The following CACNA2D3 variants were observed in gnomAD, a reference collection of about 807,000 sequenced individuals.
CACNA2D3 encodes the protein calcium voltage-gated channel auxiliary subunit alpha2delta 3.
In CACNA2D3, 60 loss-of-function variants were observed where a neutral mutation model predicts 160.6. That is an observed-to-expected ratio of 0.37 (90% CI 0.30 to 0.46). The LOEUF (loss-of-function observed/expected upper bound fraction) is 0.46, where lower values mean the gene tolerates loss of function less well. CACNA2D3 is among the 20% of genes least tolerant of loss of function. The pLI is 1.00. For missense variants in CACNA2D3, 1,205 were observed against 1,365.0 expected, an observed-to-expected ratio of 0.88 and a Z score of 1.85; for synonymous variants, 558 against 492.9, an observed-to-expected ratio of 1.13 and a Z score of -1.75.
chr3:55,021,651 ATATATATGTGTGTG>A (rs1703454259), intron 35 of CACNA2D3, among the ~76,000 whole-genome samples: 2 of 126,668 alleles, frequency 1.6e-5, no homozygotes, highest in African/African-American at 6.1e-5. Context: ...ATATGTGTAT[ATATATATGTGTGTG>A]TATATATATA....
chr3:54,180,651 C>G (rs1700766533), intron 2 of CACNA2D3, among the ~76,000 whole-genome samples: 1 of 152,202 alleles, frequency 6.6e-6, no homozygotes, highest in Non-Finnish European at 1.5e-5. Flanking sequence ...TATGTAGTTT[C>G]TGTCTTGTCT....
rs10533577 is a variant in CACNA2D3 at position 54,191,397 on chromosome 3, ACATCATCAT to A, written c.204+67834_204+67842del. On this transcript the variant is annotated intron_variant, in intron 2 of 37. Coordinates refer to ENST00000474759, the MANE Select transcript of CACNA2D3 (RefSeq NM_018398.3). The stretch of plus-strand genomic sequence containing the variant: ...TAATGCCTTTTCTTTTAAAACATCA[ACATCATCAT>A]CATCATCATCATCATCATCATCATC... Among the ~76,000 whole-genome samples the A allele has an allele frequency of 4.1e-4, 62 of 150,010 alleles. No homozygotes were observed. In the Middle Eastern group the frequency reaches 0.014, roughly 33 times the overall value.
intron 11 of CACNA2D3, among the ~76,000 whole-genome samples, chr3:54,714,785 C>T (rs745755590): frequency 1.3e-5 from 2 of 152,198 alleles, no homozygotes; most frequent in Non-Finnish European, 2.9e-5. Context: ...CCATGCTTAT[C>T]GATGCCTAAT....
At chr3:54,378,570 A>G (rs1444170897) in intron 3 of CACNA2D3, among the ~76,000 whole-genome samples, 1 of 152,204 alleles carries the variant, frequency 6.6e-6, no homozygotes, top group East Asian at 1.9e-4. Flanking sequence ...CATTGCCCAC[A>G]AAAGAAATAG....
chr3:54,410,848 C>G (rs905215227), intron 4 of CACNA2D3, among the ~76,000 whole-genome samples: 1 of 152,126 alleles, frequency 6.6e-6, no homozygotes, highest in Non-Finnish European at 1.5e-5. Context: ...AATAGTGATC[C>G]GTCTGGTCTG....
intron 2 of CACNA2D3, among the ~76,000 whole-genome samples, chr3:54,139,711 T>G (rs1375131476): frequency 6.6e-6 from 1 of 152,206 alleles, no homozygotes; most frequent in African/African-American, 2.4e-5. Flanking sequence ...GTTGACTTAA[T>G]AACATGCCTG....
rs1027656032 is a variant in CACNA2D3, at chr3:54,922,326, T to A, written c.2449+22458T>A. 2.5e-4 allele frequency among the ~76,000 whole-genome samples: 38 copies of A among 152,184 alleles called. No individual in the cohort carries two copies. In the South Asian group the frequency reaches 7.9e-3, roughly 32 times the overall value. The stretch of plus-strand genomic sequence containing the variant: ...AGTGCCCTAGTCCTGGGAACTTTTT[T>A]TTTTTTTTTTTAATCAAGAAATGTT... On this transcript the variant is annotated intron_variant, in intron 27 of 37. Coordinates refer to ENST00000474759, the MANE Select transcript of CACNA2D3 (RefSeq NM_018398.3).
intron 2 of CACNA2D3, among the ~76,000 whole-genome samples, chr3:54,208,642 A>G (rs1166489625): frequency 1.3e-5 from 2 of 152,058 alleles, no homozygotes; most frequent in African/African-American, 2.4e-5. Flanking sequence ...TTGATGGAGT[A>G]TAGCCGTGCT....
chr3:54,539,292 G>A (rs986851160), intron 5 of CACNA2D3, among the ~76,000 whole-genome samples: 2 of 152,226 alleles, frequency 1.3e-5, no homozygotes, highest in Non-Finnish European at 1.5e-5. Flanking sequence ...AGCAAATGGA[G>A]AGTGCTGTAT....
intron 27 of CACNA2D3, among the ~76,000 whole-genome samples, chr3:54,922,642 A>G (rs1406763770): frequency 6.6e-6 from 1 of 152,130 alleles, no homozygotes; most frequent in African/African-American, 2.4e-5. Flanking sequence ...CGCTACAACC[A>G]TGCAGACACT....
chr3:54,739,751 A>ATGTGTGTGTGTGTG (rs5849058), intron 11 of CACNA2D3, among the ~76,000 whole-genome samples: 37 of 145,958 alleles, frequency 2.5e-4, no homozygotes, highest in African/African-American at 9.1e-4. Context: ...CTCCTCATAT[A>ATGTGTGTGTGTGTG]TGTGTGTGTG....
chr3:54,918,790 G>A (rs1156622475), intron 27 of CACNA2D3: 1 of 1,614,036 alleles, frequency 6.2e-7, no homozygotes. Context: ...TGGATCAGGA[G>A]CAGGAAGAGG....
intron 9 of CACNA2D3, among the ~76,000 whole-genome samples, chr3:54,618,717 A>G (rs1025551372): frequency 2.6e-5 from 4 of 152,036 alleles, no homozygotes; most frequent in African/African-American, 4.8e-5. Context: ...TGCTCCCCCA[A>G]TCCTGGGCCA....
At chr3:54,138,523 A>G (rs1263249781) in intron 2 of CACNA2D3, among the ~76,000 whole-genome samples, 1 of 152,160 alleles carries the variant, frequency 6.6e-6, no homozygotes, top group Non-Finnish European at 1.5e-5. Context: ...TTGTTATTGT[A>G]CTTGCTGGAC....
intron 2 of CACNA2D3, among the ~76,000 whole-genome samples, chr3:54,305,004 G>A (rs1703566177): frequency 6.6e-6 from 1 of 151,856 alleles, no homozygotes; most frequent in Non-Finnish European, 1.5e-5. Context: ...GCAGATTTCT[G>A]TGACAGTACA....
At chr3:54,630,891 T>G (rs1335051339) in intron 10 of CACNA2D3, among the ~76,000 whole-genome samples, 1 of 151,920 alleles carries the variant, frequency 6.6e-6, no homozygotes, top group East Asian at 1.9e-4. Flanking sequence ...AAAAGCCGAA[T>G]AAATGTTTTT....
intron 4 of CACNA2D3, among the ~76,000 whole-genome samples, chr3:54,479,451 A>G (rs557096427): frequency 6.6e-6 from 1 of 152,348 alleles, no homozygotes; most frequent in South Asian, 2.1e-4. Context: ...GCGAAAATTG[A>G]TCATAGCAGA....
At chr3:54,597,805 T>C (rs1254511829) in intron 9 of CACNA2D3, among the ~76,000 whole-genome samples, 1 of 152,168 alleles carries the variant, frequency 6.6e-6, no homozygotes, top group Admixed American at 6.5e-5. Flanking sequence ...AGCATGACAA[T>C]TTTTAGTCTT....
At chr3:54,680,372 T>A (rs1700319642) in intron 11 of CACNA2D3, among the ~76,000 whole-genome samples, 1 of 152,360 alleles carries the variant, frequency 6.6e-6, no homozygotes. Flanking sequence ...TTTATATGTT[T>A]GCAAGTTTCT....
Sources: allele counts gnomAD v4.1 joint callset (sites outside exome capture counted in the v4.1 genomes callset), GRCh38; gene constraint gnomAD v4.1.1; transcripts MANE v1.5; gene names NCBI Gene and HGNC (gene_info 2026-07-23, HGNC 2026-07-21).